Variants in ACAP2 observed in about 807,000 individuals in gnomAD.
ACAP2 encodes ArfGAP with coiled-coil, ankyrin repeat and PH domains 2, also known as arf-GAP with coiled-coil, ANK repeat and PH domain-containing protein 2.
In ACAP2, 39 loss-of-function variants were observed where a neutral mutation model predicts 115.8. The observed-to-expected ratio is 0.34, with a 90% CI of 0.26 to 0.44. The LOEUF (loss-of-function observed/expected upper bound fraction) is 0.44. Among genes scored for constraint, ACAP2 ranks in the 20% least tolerant of loss-of-function variants. ACAP2 has a pLI of 1.00. For missense variants in ACAP2, 662 were observed against 927.6 expected (o/e 0.71, Z 3.72); for synonymous variants, 289 against 315.8 (o/e 0.92, Z 0.90).
rs549979712 is a variant in ACAP2, at chr3:195,392,743, C to T, written c.54-596G>A. Among the ~76,000 whole-genome samples the T allele has an allele frequency of 5.3e-5, 8 of 152,118 alleles. 1 individual carries two copies. The highest frequency in any genetic ancestry group is 4.6e-4 in the Admixed American group (7 of 15,274). ...ATTGTCTTATTGACAAAAGAGAATA[C>T]AATTATAATAACAGTTAGCACTTCA... is the stretch of plus-strand genomic sequence containing the variant. On this transcript the variant is annotated intron_variant, in intron 1 of 22. Coordinates refer to ENST00000326793, the MANE Select transcript of ACAP2 (RefSeq NM_012287.6).
chr3:195,384,689 T>C (rs1337370300), intron 2 of ACAP2, among the ~76,000 whole-genome samples: 1 of 151,924 alleles, frequency 6.6e-6, no homozygotes, highest in Admixed American at 6.6e-5. Flanking sequence ...ATCATGCCAC[T>C]GTACTCCAGC....
intron 1 of ACAP2, among the ~76,000 whole-genome samples, chr3:195,402,769 G>A (rs1712422990): frequency 6.6e-6 from 1 of 152,078 alleles, no homozygotes; most frequent in African/African-American, 2.4e-5. Flanking sequence ...ATCAGAAACA[G>A]GGAAAAGTTT....
intron 4 of ACAP2, among the ~76,000 whole-genome samples, chr3:195,372,512 G>A (rs1733222366): frequency 6.6e-6 from 1 of 152,068 alleles, no homozygotes; most frequent in African/African-American, 2.4e-5. Context: ...GCAACACAGT[G>A]AGACTCTGTC....
In ACAP2 at chr3:195,409,691, C is replaced by T. The variant is rs180771482; in HGVS notation, c.54-17544G>A. Reference sequence around the variant, plus strand: ...AGGAGTTCAAGACCAGCCTGGCCAACATGGTGAAACCCCATCTTTACAAAA... The same window carrying T: ...AGGAGTTCAAGACCAGCCTGGCCAATATGGTGAAACCCCATCTTTACAAAA... On this transcript the variant is annotated intron_variant, in intron 1 of 22. Coordinates refer to ENST00000326793, the MANE Select transcript of ACAP2 (RefSeq NM_012287.6). 2.1e-3 allele frequency among the ~76,000 whole-genome samples: 317 copies of T among 151,898 alleles called. 4 individuals carry two copies. Among genetic ancestry groups the T allele is most frequent in the African/African-American group, 5.3e-3 (219 of 41,432 alleles).
intron 2 of ACAP2, among the ~76,000 whole-genome samples, chr3:195,386,054 T>G (rs1734278162): frequency 6.6e-6 from 1 of 152,210 alleles, no homozygotes; most frequent in Non-Finnish European, 1.5e-5. Flanking sequence ...TGATGCATTA[T>G]CCAGCTATAA....
chr3:195,395,463 C>T (rs139893902), intron 1 of ACAP2, among the ~76,000 whole-genome samples: 63 of 152,232 alleles, frequency 4.1e-4, no homozygotes, highest in African/African-American at 1.5e-3. Flanking sequence ...AGTCTATAAG[C>T]TAAAAATAGT....
At chr3:195,331,521 C>T (rs1730165517) in intron 8 of ACAP2, among the ~76,000 whole-genome samples, 1 of 151,784 alleles carries the variant, frequency 6.6e-6, no homozygotes, top group South Asian at 2.1e-4. Flanking sequence ...CCATGTTGCC[C>T]AGGCTGGTCT....
At position 195,291,182 on chromosome 3, in the gene ACAP2, G is replaced by A. The variant is rs937625580; in HGVS notation, c.2063+524C>T. 2.0e-5 allele frequency among the ~76,000 whole-genome samples: 3 copies of A among 152,056 alleles called. No homozygotes were observed. In the South Asian group the frequency reaches 6.2e-4, roughly 31 times the overall value. ...CTTTCATGTATACTTCCTAATAATA[G>A]AAAGTCCATTTTCAAGGCTTTATTG... On this transcript the variant is annotated intron_variant, in intron 20 of 22. Coordinates refer to ENST00000326793, the MANE Select transcript of ACAP2 (RefSeq NM_012287.6).
intron 6 of ACAP2, among the ~76,000 whole-genome samples, chr3:195,338,118 T>C (rs1577322883): frequency 6.6e-6 from 1 of 152,262 alleles, no homozygotes; most frequent in African/African-American, 2.4e-5. Context: ...TACTGTCTAG[T>C]ACATCAACCT....
At chr3:195,380,198 T>A (rs1733852670) in intron 4 of ACAP2, among the ~76,000 whole-genome samples, 1 of 152,150 alleles carries the variant, frequency 6.6e-6, no homozygotes, top group African/African-American at 2.4e-5. Flanking sequence ...ATGTCAATAT[T>A]AGCATAGCTA....
At chr3:195,378,881 T>C (rs567199645) in intron 4 of ACAP2, among the ~76,000 whole-genome samples, 112 of 151,644 alleles carry the variant, frequency 7.4e-4, no homozygotes, top group Non-Finnish European at 1.3e-3. Context: ...AAAAAAATTA[T>C]TTGCCAAAAG....
At position 195,338,794 on chromosome 3, in the gene ACAP2, T is replaced by G. The variant is rs532933196; in HGVS notation, c.529-1818A>C. On this transcript the variant is annotated intron_variant, in intron 6 of 22. Transcript: ENST00000326793. Reference sequence around the variant, plus strand: ...GTTTAAAAAAAGAATCATTCACTCTTTGCCAATACTGTCAAAAGATTATAC... The same window carrying G: ...GTTTAAAAAAAGAATCATTCACTCTGTGCCAATACTGTCAAAAGATTATAC... Among the ~76,000 whole-genome samples the G allele has an allele frequency of 7.9e-5, 12 of 152,334 alleles. No individual in the cohort carries two copies. The South Asian group carries it at 2.5e-3, about 32-fold the overall frequency.
chr3:195,421,884 T>C (rs960811362), intron 1 of ACAP2, among the ~76,000 whole-genome samples: 2 of 152,216 alleles, frequency 1.3e-5, no homozygotes, highest in Admixed American at 1.3e-4. Context: ...ATATAGTAAG[T>C]TATTCTTGCT....
chr3:195,344,623 C>T (rs1219329334), intron 5 of ACAP2, among the ~76,000 whole-genome samples: 2 of 152,028 alleles, frequency 1.3e-5, no homozygotes, highest in African/African-American at 2.4e-5. Context: ...CAGGTTCAAG[C>T]GATTCTCCTG....
intron 13 of ACAP2, among the ~76,000 whole-genome samples, chr3:195,303,828 A>G (rs1728230815): frequency 6.6e-6 from 1 of 152,144 alleles, no homozygotes; most frequent in South Asian, 2.1e-4. Context: ...CTTAGATCCT[A>G]AACAATGACA....
intron 1 of ACAP2, among the ~76,000 whole-genome samples, chr3:195,413,095 T>G (rs963610626): frequency 6.6e-6 from 1 of 152,238 alleles, no homozygotes; most frequent in African/African-American, 2.4e-5. Context: ...TTTGTCATAT[T>G]CCACAGTTAA....
At chr3:195,305,812 C>T (rs1728384561) in intron 13 of ACAP2, among the ~76,000 whole-genome samples, 2 of 151,846 alleles carry the variant, frequency 1.3e-5, no homozygotes, top group Admixed American at 6.6e-5. Context: ...TCAAGTTAGT[C>T]GTCCCCCCAT....
chr3:195,406,815 T>C (rs1712810830), intron 1 of ACAP2, among the ~76,000 whole-genome samples: 4 of 152,210 alleles, frequency 2.6e-5, no homozygotes. Context: ...ATAAAACTCG[T>C]AAGTATACAC....
chr3:195,415,145 A>G (rs1041558829), intron 1 of ACAP2, among the ~76,000 whole-genome samples: 1 of 152,190 alleles, frequency 6.6e-6, no homozygotes, highest in Non-Finnish European at 1.5e-5. Context: ...TGTAGGCTCA[A>G]TGCTTGTAAC....
Sources: gnomAD v4.1 joint callset for allele counts (sites outside exome capture counted in the v4.1 genomes callset) on GRCh38, gnomAD v4.1.1 for gene constraint, MANE v1.5 for transcripts, NCBI Gene and HGNC (gene_info 2026-07-23, HGNC 2026-07-21) for gene names.